ELAPOR2: variants seen among roughly 807,000 people sequenced by gnomAD.
ELAPOR2 encodes endosome/lysosome-associated apoptosis and autophagy regulator family member 2.
Under a neutral mutation model 120.7 loss-of-function variants are expected in ELAPOR2, and 89 were observed. The ratio of observed to expected loss-of-function variants is 0.74; its 90% CI spans 0.62 to 0.88. ELAPOR2 has a LOEUF of 0.88. ELAPOR2 is among the 40% of genes least tolerant of loss of function. The probability of loss-of-function intolerance (pLI) is 0.00; values close to 1 mark genes in which losing one functional copy is unlikely to be tolerated. For synonymous variants in ELAPOR2, 444 were observed against 444.9 expected (o/e 1.00, Z 0.03); for missense variants, 1,134 against 1,251.6 (o/e 0.91, Z 1.42).
chr7:86,915,673 G>C (rs1789540416), intron 12 of ELAPOR2, among the ~76,000 whole-genome samples: 1 of 149,722 alleles, frequency 6.7e-6, no homozygotes, highest in African/African-American at 2.5e-5. Flanking sequence ...ATTTGGATGG[G>C]CTTCCATTAG....
intron 1 of ELAPOR2, among the ~76,000 whole-genome samples, chr7:87,024,423 C>T (rs538372528): frequency 1.8e-4 from 28 of 152,248 alleles, no homozygotes; most frequent in South Asian, 6.2e-4. Context: ...CCCACTTGAT[C>T]ATGGTGGATA....
chr7:87,011,223 C>CGCCACTGCACTCCAGT (rs1793649723), intron 1 of ELAPOR2, among the ~76,000 whole-genome samples: 1 of 58,668 alleles, frequency 1.7e-5, no homozygotes, highest in Non-Finnish European at 3.1e-5. Context: ...AGCCAAGATG[C>CGCCACTGCACTCCAGT]ATGGCGACAG....
intron 3 of ELAPOR2, among the ~76,000 whole-genome samples, chr7:86,946,566 T>C (rs1963776): frequency 0.07 from 10,594 of 152,046 alleles, 1,256 homozygotes; most frequent in African/African-American, 0.24. Context: ...TTTGTATTTT[T>C]AGTAGAGATG....
chr7:87,033,168 C>T lies in ELAPOR2; in HGVS notation c.189+26157G>A, dbSNP rs147588453. ...CAGTGGAAAGTGAGCTCTCTGGAGA[C>T]AAATCTATCCCAGCTTTATGGCTCA... On this transcript the variant is annotated intron_variant, in intron 1 of 21. Transcript: ENST00000450689. Among the ~76,000 whole-genome samples the T allele has an allele frequency of 3.3e-5, 5 of 152,254 alleles. No homozygotes were observed. The East Asian group carries it at 9.6e-4, about 29-fold the overall frequency.
intron 1 of ELAPOR2, among the ~76,000 whole-genome samples, chr7:87,051,495 C>T (rs909551183): frequency 4.6e-5 from 7 of 152,164 alleles, no homozygotes; most frequent in Admixed American, 2.0e-4. Context: ...CTGATATTGG[C>T]GACTGCATTA....
At chr7:87,037,846 G>A (rs911274800) in intron 1 of ELAPOR2, among the ~76,000 whole-genome samples, 2 of 152,126 alleles carry the variant, frequency 1.3e-5, no homozygotes, top group African/African-American at 4.8e-5. Context: ...TGTGCATCCT[G>A]TAAAGCACTA....
chr7:87,013,457 G>T (rs989574268), intron 1 of ELAPOR2, among the ~76,000 whole-genome samples: 3 of 152,138 alleles, frequency 2.0e-5, no homozygotes, highest in Non-Finnish European at 4.4e-5. Context: ...AAAATGCCCA[G>T]GGTTTTCTTA....
chr7:87,056,729 T>C (rs1401532817), intron 1 of ELAPOR2, among the ~76,000 whole-genome samples: 2 of 152,240 alleles, frequency 1.3e-5, no homozygotes, highest in Non-Finnish European at 2.9e-5. Context: ...AAGGGCCTTT[T>C]TTCTGAACTC....
chr7:86,926,127 A>G (rs1004319061), intron 9 of ELAPOR2, among the ~76,000 whole-genome samples: 11 of 152,034 alleles, frequency 7.2e-5, no homozygotes, highest in Non-Finnish European at 1.5e-4. Context: ...CAAATTCAAA[A>G]TATTGACTAT....
At chr7:86,894,895 A>C (rs1325585994) in intron 19 of ELAPOR2, among the ~76,000 whole-genome samples, 2 of 152,196 alleles carry the variant, frequency 1.3e-5, no homozygotes, top group East Asian at 3.9e-4. Flanking sequence ...CTTAGAACCC[A>C]GTATAGATTT....
At chr7:86,972,863 T>A (rs1457387222) in intron 1 of ELAPOR2, among the ~76,000 whole-genome samples, 2 of 152,264 alleles carry the variant, frequency 1.3e-5, no homozygotes, top group African/African-American at 2.4e-5. Flanking sequence ...TACCTTAGAA[T>A]TGAGATTAGC....
At chr7:86,898,598 T>C (rs1037790866) in intron 18 of ELAPOR2, among the ~76,000 whole-genome samples, 1 of 147,598 alleles carries the variant, frequency 6.8e-6, no homozygotes, top group African/African-American at 2.5e-5. Context: ...GAAATGCTTC[T>C]TGGTAGAAAT....
At chr7:86,946,157 T>TCA (rs1491424238) in intron 3 of ELAPOR2, among the ~76,000 whole-genome samples, 1 of 110,552 alleles carries the variant, frequency 9.0e-6, no homozygotes, top group African/African-American at 4.2e-5. Flanking sequence ...GGATACCATT[T>TCA]CTCACACACA....
intron 18 of ELAPOR2, among the ~76,000 whole-genome samples, chr7:86,899,630 C>T (rs1788621134): frequency 6.6e-6 from 1 of 151,664 alleles, no homozygotes; most frequent in African/African-American, 2.4e-5. Flanking sequence ...GATATGAACA[C>T]TAAAAAAAAA....
chr7:86,979,066 TTTG>T (rs1182917376), intron 1 of ELAPOR2, among the ~76,000 whole-genome samples: 1 of 152,350 alleles, frequency 6.6e-6, no homozygotes, highest in East Asian at 1.9e-4. Flanking sequence ...ATGCACTCAT[TTTG>T]TTATCACTTC....
intron 2 of ELAPOR2, 139 bp downstream of exon 2, chr7:86,964,765 G>A: frequency 2.6e-6 from 2 of 764,252 alleles, no homozygotes; most frequent in South Asian, 1.9e-5. Context: ...GAGAAAGGCT[G>A]CATTTATTCT....
At chr7:86,983,509 A>G (rs1792591892) in intron 1 of ELAPOR2, among the ~76,000 whole-genome samples, 1 of 152,252 alleles carries the variant, frequency 6.6e-6, no homozygotes, top group African/African-American at 2.4e-5. Context: ...TCCACAAGCC[A>G]GAAGAGAGTG....
chr7:87,032,727 T>C (rs1794460538), intron 1 of ELAPOR2, among the ~76,000 whole-genome samples: 1 of 152,150 alleles, frequency 6.6e-6, no homozygotes, highest in African/African-American at 2.4e-5. Context: ...ATCGAGAATC[T>C]AATAGACAGA....
rs397698585 is a variant in ELAPOR2, at chr7:86,926,920, C to CAAAAA, written c.1090-9_1090-5dup. 238 of 890,912 alleles carry CAAAAA rather than the reference C, an allele frequency of 2.7e-4. No homozygotes were observed. The highest frequency in any genetic ancestry group is 1.3e-3 in the Middle Eastern group (3 of 2,230). The allele number at this position is 890,912 out of a possible 1,614,324, so 55.2% of individuals were successfully genotyped here. A position where few individuals can be genotyped will look rare whatever the true frequency, so the allele number is the denominator to read the frequency against. On this transcript the variant is annotated splice_polypyrimidine_tract_variant and splice_region_variant and intron_variant, in intron 8 of 21. Transcript: ENST00000450689. ...TCCACTTGTACATTATCTGTGTCTA[C>CAAAAA]AAAAAAAAAAAAAAAAAAAAAGCAA...
Sources: gnomAD v4.1 joint callset for allele counts (sites outside exome capture counted in the v4.1 genomes callset) on GRCh38, gnomAD v4.1.1 for gene constraint, MANE v1.5 for transcripts, NCBI Gene and HGNC (gene_info 2026-07-23, HGNC 2026-07-21) for gene names.